The following ROBO1 variants were observed in gnomAD, a reference collection of about 807,000 sequenced individuals.
ROBO1 encodes the protein roundabout guidance receptor 1, also known as roundabout homolog 1.
ROBO1 carries 149 observed loss-of-function variants against 195.9 expected under a neutral mutation model. The ratio of observed to expected loss-of-function variants is 0.76; its 90% CI spans 0.67 to 0.87. ROBO1 has a LOEUF of 0.87. ROBO1 is among the 40% of genes least tolerant of loss of function. The probability of loss-of-function intolerance (pLI) is 0.00; values close to 1 mark genes in which losing one functional copy is unlikely to be tolerated. For missense variants in ROBO1, 1,933 were observed against 2,068.3 expected (o/e 0.93, Z 1.27); for synonymous variants, 816 against 733.2 (o/e 1.11, Z -1.82).
At chr3:79,617,949 T>TA (rs1944879777) in intron 1 of ROBO1, among the ~76,000 whole-genome samples, 2 of 122,962 alleles carry the variant, frequency 1.6e-5, no homozygotes, top group South Asian at 2.5e-4. Flanking sequence ...CTTCTGGAAA[T>TA]AAAAAATACA....
At chr3:78,648,935 T>G (rs1354598530) in intron 19 of ROBO1, among the ~76,000 whole-genome samples, 1 of 152,072 alleles carries the variant, frequency 6.6e-6, no homozygotes, top group South Asian at 2.1e-4. Flanking sequence ...ACTTTATCTC[T>G]GAGCATACTA....
chr3:78,670,004 T>C (rs1199578877), intron 11 of ROBO1, 92 bp downstream of exon 11: 1 of 921,990 alleles, frequency 1.1e-6, no homozygotes, highest in Admixed American at 2.8e-5. Flanking sequence ...TAACACTTCA[T>C]TAATTGCAAA....
intron 3 of ROBO1, among the ~76,000 whole-genome samples, chr3:79,032,974 T>C (rs1340970672): frequency 9.9e-5 from 15 of 151,968 alleles, no homozygotes; most frequent in Admixed American, 9.8e-4. Flanking sequence ...GAAAATTAAA[T>C]ATGGAAGATG....
intron 2 of ROBO1, among the ~76,000 whole-genome samples, chr3:79,192,675 C>T (rs754648701): frequency 1.3e-5 from 2 of 151,422 alleles, no homozygotes; most frequent in Non-Finnish European, 3.0e-5. Context: ...TTCTCAGAGG[C>T]CTGTGGTTGG....
At chr3:79,280,121 G>A (rs1003865893) in intron 2 of ROBO1, among the ~76,000 whole-genome samples, 3 of 152,120 alleles carry the variant, frequency 2.0e-5, no homozygotes, top group African/African-American at 7.2e-5. Flanking sequence ...GGGATAGGTA[G>A]AGATTTGTCC....
Position 78,634,000 on chromosome 3 carries a change from T to C in ROBO1, c.3416A>G (p.Asn1139Ser), listed in dbSNP as rs771629310. ...TCCTGTGTTCTGGTCGTATGATTGGTTGTATGGGATAGTTGGAGGAACTGT... is the reference window on the plus strand; with the variant it reads ...TCCTGTGTTCTGGTCGTATGATTGGCTGTATGGGATAGTTGGAGGAACTGT... ...NDTVPPTIPY[N>S]QSYDQNTGGS... Residue 1139 changes from asparagine (N) to serine (S), a missense_variant, in exon 24 of 31, where the codon AAC becomes AGC. Physicochemically the swap from Asn to Ser is conservative, Grantham distance 46. Around this residue, in one of 3 missense-constraint regions of ROBO1, gnomAD observed 1,737 missense variants for 1,882.5 expected, o/e 0.92. Transcript: ENST00000464233. 6.2e-7 allele frequency: 1 copy of C among 1,612,416 alleles called. No individual in the cohort carries two copies. The highest frequency in any genetic ancestry group is 2.2e-5 in the East Asian group (1 of 44,800).
chr3:79,119,978 G>A (rs1307533856), intron 3 of ROBO1, among the ~76,000 whole-genome samples: 1 of 151,976 alleles, frequency 6.6e-6, no homozygotes, highest in Non-Finnish European at 1.5e-5. Context: ...CACTATGTTG[G>A]CCAGGCTGGT....
intron 2 of ROBO1, among the ~76,000 whole-genome samples, chr3:79,343,264 C>G (rs754694910): frequency 6.6e-6 from 1 of 152,132 alleles, no homozygotes; most frequent in Non-Finnish European, 1.5e-5. Context: ...TGAATGATAT[C>G]TAGCTTGCTT....
chr3:79,663,764 C>A lies in ROBO1; in HGVS notation c.-50-73803G>T, dbSNP rs118036727. ...TGTCATTTTTTAGATAATGACATTG[C>A]CGACTGTTCAGTTCAAGAAACCATA... On this transcript the variant is annotated intron_variant, in intron 1 of 30. Coordinates refer to ENST00000464233, the MANE Select transcript of ROBO1 (RefSeq NM_002941.4). 1.1e-4 allele frequency among the ~76,000 whole-genome samples: 16 copies of A among 152,168 alleles called. No homozygotes were observed. In the East Asian group the frequency reaches 3.1e-3, roughly 30 times the overall value.
intron 4 of ROBO1, among the ~76,000 whole-genome samples, chr3:78,867,687 C>T (rs755248327): frequency 6.6e-6 from 1 of 152,168 alleles, no homozygotes; most frequent in Non-Finnish European, 1.5e-5. Context: ...TATCTATACA[C>T]TGCATCAAAA....
chr3:79,224,818 G>T (rs955801117), intron 2 of ROBO1, among the ~76,000 whole-genome samples: 6 of 152,140 alleles, frequency 3.9e-5, no homozygotes, highest in African/African-American at 1.4e-4. Context: ...CACTGTCAGT[G>T]AAAAAAGATG....
intron 1 of ROBO1, among the ~76,000 whole-genome samples, chr3:79,592,959 T>C (rs1331657095): frequency 6.6e-6 from 1 of 152,092 alleles, no homozygotes; most frequent in Non-Finnish European, 1.5e-5. Context: ...GTTCTGCCTT[T>C]CTTGGAATGT....
intron 2 of ROBO1, among the ~76,000 whole-genome samples, chr3:79,279,027 C>A (rs1576914227): frequency 6.6e-6 from 1 of 152,026 alleles, no homozygotes; most frequent in South Asian, 2.1e-4. Flanking sequence ...GTAATCCCAG[C>A]ACTTTGGGAG....
At chr3:79,202,137 C>T (rs927978109) in intron 2 of ROBO1, among the ~76,000 whole-genome samples, 1 of 151,968 alleles carries the variant, frequency 6.6e-6, no homozygotes, top group African/African-American at 2.4e-5. Flanking sequence ...ATTTACTCTA[C>T]TTTAATTAGC....
chr3:79,598,846 T>C (rs1299941095), intron 1 of ROBO1, among the ~76,000 whole-genome samples: 1 of 152,006 alleles, frequency 6.6e-6, no homozygotes, highest in Non-Finnish European at 1.5e-5. Flanking sequence ...CAACTCTGCT[T>C]CCAGGAAGGA....
chr3:78,933,019 A>C (rs1324906035), intron 4 of ROBO1, among the ~76,000 whole-genome samples: 2 of 152,152 alleles, frequency 1.3e-5, no homozygotes, highest in Admixed American at 6.5e-5. Context: ...GGATTAATAC[A>C]CACTTCTGTG....
At chr3:79,263,485 C>CA (rs1020898853) in intron 2 of ROBO1, among the ~76,000 whole-genome samples, 4 of 151,664 alleles carry the variant, frequency 2.6e-5, no homozygotes, top group Non-Finnish European at 5.9e-5. Context: ...CCTGTCTCTA[C>CA]AAAAAAAATT....
At chr3:79,573,822 A>T (rs1430091912) in intron 2 of ROBO1, among the ~76,000 whole-genome samples, 1 of 152,168 alleles carries the variant, frequency 6.6e-6, no homozygotes, top group Admixed American at 6.5e-5. Flanking sequence ...TCAATCAAAA[A>T]CCCAAGATAT....
chr3:79,116,243 AATTT>A (rs2079991744), intron 3 of ROBO1, among the ~76,000 whole-genome samples: 1 of 151,828 alleles, frequency 6.6e-6, no homozygotes, highest in Non-Finnish European at 1.5e-5. Context: ...CTTCCTGTAT[AATTT>A]AATCTCTTTC....
Sources: allele counts gnomAD v4.1 joint callset (sites outside exome capture counted in the v4.1 genomes callset), GRCh38; gene constraint gnomAD v4.1.1; regional missense constraint gnomAD v4.1.1; transcripts MANE v1.5; gene names NCBI Gene and HGNC (gene_info 2026-07-23, HGNC 2026-07-21).